FGF6: variants seen among roughly 807,000 people sequenced by gnomAD.
FGF6 encodes the protein fibroblast growth factor 6, also known as FGF-6.
In FGF6, 14 loss-of-function variants were observed where a neutral mutation model predicts 18.4. The observed-to-expected ratio is 0.76, with a 90% CI of 0.50 to 1.19. The LOEUF is 1.19. Ranked by LOEUF, FGF6 falls within the 50% of genes most tolerant of loss-of-function variation. The probability of loss-of-function intolerance (pLI) is 0.00; values close to 1 mark genes in which losing one functional copy is unlikely to be tolerated. For synonymous variants in FGF6, 125 were observed against 116.7 expected (o/e 1.07, Z -0.46); for missense variants, 266 against 271.6 (o/e 0.98, Z 0.15).
rs1423494206 is a variant in FGF6 at position 4,445,182 on chromosome 12, C to T, written c.346+43G>A. The T allele has an allele frequency of 6.5e-7, 1 of 1,530,838 alleles. No individual in the cohort carries two copies. The highest frequency in any genetic ancestry group is 1.2e-5 in the South Asian group (1 of 84,454). The allele number at this position is 1,530,838 out of a possible 1,614,324, so 94.8% of individuals were successfully genotyped here. A position where few individuals can be genotyped will look rare whatever the true frequency, so the allele number is the denominator to read the frequency against. On this transcript the variant is annotated intron_variant, in intron 1 of 2. Coordinates refer to ENST00000228837, the MANE Select transcript of FGF6 (RefSeq NM_020996.3). The surrounding 1 kb of genome is among the most constrained non-coding windows in gnomAD (Gnocchi z 5.5). ...CCTTCACCTTTTAGCCCTGCATGAG[C>T]CCAAACCCCCAAGCGTCCCGACTGG...
In FGF6 at chr12:4,434,144, A is replaced by G. The variant is rs973892838; in HGVS notation, c.*71T>C. On this transcript the variant is annotated 3_prime_UTR_variant, in exon 3 of 3. Transcript: ENST00000228837. ...TCAGAAGCCATGGAGGGCAAGGGGAATTCTTCGCTGGTGCAAAATTTCAAT... is the reference window on the plus strand; with the variant it reads ...TCAGAAGCCATGGAGGGCAAGGGGAGTTCTTCGCTGGTGCAAAATTTCAAT... 6.6e-7 allele frequency: 1 copy of G among 1,518,564 alleles called. No homozygotes were observed. Among genetic ancestry groups the G allele is most frequent in the East Asian group, 2.3e-5 (1 of 44,206 alleles). 94.1% of individuals were successfully genotyped at this position (1,518,564 alleles called of 1,614,324 possible).
At chr12:4,441,000 T>C (rs1320642661) in intron 2 of FGF6, among the ~76,000 whole-genome samples, 1 of 152,252 alleles carries the variant, frequency 6.6e-6, no homozygotes, top group Non-Finnish European at 1.5e-5. Flanking sequence ...TTTTGTCCTT[T>C]GCACATTGTC....
chr12:4,441,887 G>T (rs1865695176), intron 2 of FGF6, among the ~76,000 whole-genome samples: 1 of 152,038 alleles, frequency 6.6e-6, no homozygotes, highest in Non-Finnish European at 1.5e-5. Flanking sequence ...GAGAGGGAGG[G>T]GTAGAAGTTG....
chr12:4,440,970 AG>A (rs1865683485), intron 2 of FGF6, among the ~76,000 whole-genome samples: 1 of 152,262 alleles, frequency 6.6e-6, no homozygotes, highest in Non-Finnish European at 1.5e-5. Flanking sequence ...TAATAATCAA[AG>A]GTCTCTGGAG....
At chr12:4,443,486 T>C (rs1378984525) in intron 2 of FGF6, among the ~76,000 whole-genome samples, 2 of 152,162 alleles carry the variant, frequency 1.3e-5, no homozygotes, top group Non-Finnish European at 2.9e-5. Flanking sequence ...TTCGTCAATG[T>C]GCTTAGAAGC....
chr12:4,440,635 G>C (rs578039721), intron 2 of FGF6, among the ~76,000 whole-genome samples: 1 of 152,310 alleles, frequency 6.6e-6, no homozygotes, highest in African/African-American at 2.4e-5. Context: ...TGTTGATTTA[G>C]GAATGTTGGA....
At position 4,444,001 on chromosome 12, in the gene FGF6, C is replaced by T. The variant is rs1226388776; in HGVS notation, c.450+132G>A. The T allele has an allele frequency of 3.2e-5, 20 of 625,126 alleles. No homozygotes were observed. In the South Asian group the frequency reaches 3.7e-4, roughly 12 times the overall value. 38.7% of individuals were successfully genotyped at this position (625,126 alleles called of 1,614,324 possible). A position where few individuals can be genotyped will look rare whatever the true frequency, so the allele number is the denominator to read the frequency against. ...CAAGCTGCAAGGCCCCTCCCTTTCA[C>T]AGGCTCCTCTCACAGCCTTTCCTTT... is the stretch of plus-strand genomic sequence containing the variant. On this transcript the variant is annotated intron_variant, in intron 2 of 2. Transcript: ENST00000228837.
At chr12:4,437,838 G>T (rs1447984621) in intron 2 of FGF6, among the ~76,000 whole-genome samples, 2 of 149,778 alleles carry the variant, frequency 1.3e-5, no homozygotes, top group African/African-American at 4.9e-5. Context: ...AGATTCAAAT[G>T]TAAAAAAAAA....
At chr12:4,444,273 G>T in intron 1 of FGF6, 37 bp from the exon 2 acceptor site, 1 of 1,423,320 alleles carries the variant, frequency 7.0e-7, no homozygotes. Context: ...CCTAAGGCTT[G>T]TGCAAATCAG....
chr12:4,445,652 G>T lies in FGF6; in HGVS notation c.-82C>A. ...CTTGTTTTTCTCCCTCCGGCATGGCGGCAGGGGCTTATTTTTGGAAGGCAG... is the reference window on the plus strand; with the variant it reads ...CTTGTTTTTCTCCCTCCGGCATGGCTGCAGGGGCTTATTTTTGGAAGGCAG... On this transcript the variant is annotated 5_prime_UTR_variant, in exon 1 of 3. Coordinates refer to ENST00000228837, the MANE Select transcript of FGF6 (RefSeq NM_020996.3). The surrounding 1 kb of genome is among the most constrained non-coding windows in gnomAD (Gnocchi z 5.5). 1.7e-6 allele frequency: 2 copies of T among 1,151,296 alleles called. No homozygotes were observed. The highest frequency in any genetic ancestry group is 1.6e-5 in the African/African-American group (1 of 64,470). The allele number at this position is 1,151,296 out of a possible 1,614,324, so 71.3% of individuals were successfully genotyped here.
intron 1 of FGF6, among the ~76,000 whole-genome samples, chr12:4,444,596 G>A (rs1478780916): frequency 1.3e-5 from 2 of 152,148 alleles, no homozygotes; most frequent in South Asian, 2.1e-4. Flanking sequence ...TCTTCTTAAT[G>A]TGTACTCTAC....
intron 2 of FGF6, among the ~76,000 whole-genome samples, chr12:4,442,234 G>T (rs1865700664): frequency 6.6e-6 from 1 of 152,068 alleles, no homozygotes. Flanking sequence ...GCTGGGGGTG[G>T]GGTGGTGGGT....
In FGF6 at chr12:4,445,320, CG is replaced by C; in HGVS notation, c.250del (p.Arg84GlyfsTer45). ...CACGTTGCAGTAGAGCCTCCGCTGC[CG>C]CTTGATCCCCACCAAATAGCCACTT... is the stretch of plus-strand genomic sequence containing the variant. ...WESGYLVGIK[R>X]QRRLYCNVGI... On this transcript the variant is annotated frameshift_variant, in exon 1 of 3. Coordinates refer to ENST00000228837, the MANE Select transcript of FGF6 (RefSeq NM_020996.3). LOFTEE classifies it high-confidence loss of function. The surrounding 1 kb of genome is among the most constrained non-coding windows in gnomAD (Gnocchi z 5.5). 1 of 1,614,062 alleles carries C rather than the reference CG, an allele frequency of 6.2e-7. No individual in the cohort carries two copies. Among genetic ancestry groups the C allele is most frequent in the Non-Finnish European group, 8.5e-7 (1 of 1,180,030 alleles).
intron 2 of FGF6, among the ~76,000 whole-genome samples, chr12:4,442,544 A>T (rs1304945896): frequency 6.6e-6 from 1 of 152,082 alleles, no homozygotes; most frequent in African/African-American, 2.4e-5. Context: ...CTCCCAGGAG[A>T]TTTACTTGCT....
chr12:4,445,259 G>A lies in FGF6; in HGVS notation c.312C>T (p.Gly104=). ...TCTCCTCGTGGGTCCCGCTGATCCGGCCGTCGGGGAGCACCTGGAGGTGAA... is the reference window on the plus strand; with the variant it reads ...TCTCCTCGTGGGTCCCGCTGATCCGACCGTCGGGGAGCACCTGGAGGTGAA... ...IGFHLQVLPD[G]RISGTHEENP... The change falls in exon 1 of 3, where the codon GGC becomes GGT. Residue 104 remains glycine, a synonymous_variant. Coordinates refer to ENST00000228837, the MANE Select transcript of FGF6 (RefSeq NM_020996.3). This position sits in a 1 kb window ranked among gnomAD's most constrained non-coding sequence, Gnocchi z 5.5. The A allele has an allele frequency of 3.1e-6, 5 of 1,613,582 alleles. No homozygotes were observed. In the African/African-American group the frequency reaches 4.0e-5, roughly 13 times the overall value.
intron 2 of FGF6, among the ~76,000 whole-genome samples, chr12:4,440,123 A>G (rs1325460755): frequency 6.6e-6 from 1 of 152,248 alleles, no homozygotes; most frequent in East Asian, 1.9e-4. Flanking sequence ...GTATATGATT[A>G]CTTGAATAAA....
chr12:4,437,918 C>CA (rs555903602), intron 2 of FGF6, among the ~76,000 whole-genome samples: 79 of 149,656 alleles, frequency 5.3e-4, no homozygotes, highest in African/African-American at 1.9e-3. Flanking sequence ...CTAATCAGGA[C>CA]AAAAAAAATT....
At chr12:4,442,632 G>C (rs1404973844) in intron 2 of FGF6, among the ~76,000 whole-genome samples, 1 of 152,188 alleles carries the variant, frequency 6.6e-6, no homozygotes, top group East Asian at 1.9e-4. Flanking sequence ...GGGCTTCCGG[G>C]CATTATGCAG....
intron 2 of FGF6, among the ~76,000 whole-genome samples, chr12:4,438,473 T>A (rs943110993): frequency 2.0e-5 from 3 of 152,010 alleles, no homozygotes; most frequent in Admixed American, 2.0e-4. Context: ...ATGTATCTAT[T>A]AAGAGAGGAG....
Sources: gnomAD v4.1 joint callset for allele counts (sites outside exome capture counted in the v4.1 genomes callset) on GRCh38, gnomAD v4.1.1 for gene constraint, Gnocchi (gnomAD v3.1) non-coding constraint, MANE v1.5 for transcripts, NCBI Gene and HGNC (gene_info 2026-07-23, HGNC 2026-07-21) for gene names.